Variants in LAMTOR5 observed in about 807,000 individuals in gnomAD.
The protein encoded by LAMTOR5 is late endosomal/lysosomal adaptor, MAPK and MTOR activator 5.
LAMTOR5 carries 8 observed loss-of-function variants against 12.1 expected under a neutral mutation model. That is an observed-to-expected ratio of 0.66 (90% CI 0.39 to 1.19). LAMTOR5 has a LOEUF of 1.19. Among genes scored for constraint, LAMTOR5 ranks in the 50% most tolerant of loss-of-function variants. LAMTOR5 has a pLI of 0.01. For missense variants in LAMTOR5, 110 were observed against 112.8 expected (o/e 0.97, Z 0.11); for synonymous variants, 37 against 41.9 (o/e 0.88, Z 0.45).
At chr1:110,403,195 T>C (rs755317142) in intron 3 of LAMTOR5, among the ~76,000 whole-genome samples, 13 of 151,496 alleles carry the variant, frequency 8.6e-5, no homozygotes, top group Non-Finnish European at 1.9e-4. Context: ...AAGCAATGCA[T>C]GACTGTATGT....
chr1:110,405,829 G>C (rs539508761), intron 2 of LAMTOR5, among the ~76,000 whole-genome samples: 1 of 152,108 alleles, frequency 6.6e-6, no homozygotes, highest in Non-Finnish European at 1.5e-5. Context: ...ACTAACAAAT[G>C]AAAGAGCAAG....
Position 110,401,447 on chromosome 1 carries a change from T to C in LAMTOR5, c.*76A>G. ...AATGAATGGCCTAACTACTGGAACT[T>C]TAGTAGTTCTATAAGGTAATTAACA... On this transcript the variant is annotated 3_prime_UTR_variant, in exon 4 of 4. Coordinates refer to ENST00000602318, the MANE Select transcript of LAMTOR5 (RefSeq NM_001382293.1). 1 of 1,479,528 alleles carries C rather than the reference T, an allele frequency of 6.8e-7. No homozygotes were observed. Among genetic ancestry groups the C allele is most frequent in the Non-Finnish European group, 9.3e-7 (1 of 1,075,628 alleles). The allele number at this position is 1,479,528 out of a possible 1,614,324, so 91.7% of individuals were successfully genotyped here.
intron 2 of LAMTOR5, among the ~76,000 whole-genome samples, chr1:110,405,027 G>A (rs566981069): frequency 5.7e-5 from 8 of 141,532 alleles, no homozygotes; most frequent in Admixed American, 3.0e-4. Flanking sequence ...TAGCCTGGGC[G>A]ACAGAGCAAG....
chr1:110,407,497 T>G (rs867685177), intron 1 of LAMTOR5, 89 bp downstream of exon 1: 1 of 1,492,400 alleles, frequency 6.7e-7, no homozygotes, highest in South Asian at 1.3e-5. Flanking sequence ...CGAGACGCCC[T>G]GGCCGGTACT....
chr1:110,404,804 T>G (rs1237461866), intron 2 of LAMTOR5, among the ~76,000 whole-genome samples: 1 of 152,094 alleles, frequency 6.6e-6, no homozygotes, highest in Non-Finnish European at 1.5e-5. Flanking sequence ...ATCCCGCACT[T>G]TGGGAGGCGG....
At chr1:110,405,278 A>T (rs1440945064) in intron 2 of LAMTOR5, among the ~76,000 whole-genome samples, 1 of 151,204 alleles carries the variant, frequency 6.6e-6, no homozygotes, top group East Asian at 2.0e-4. Flanking sequence ...CTCCTGCCTC[A>T]GCCTCCCGAG....
rs1209567310 is a variant in LAMTOR5, at chr1:110,407,228, G to T, written c.35+358C>A. 11 of 579,140 alleles carry T rather than the reference G, an allele frequency of 1.9e-5. No homozygotes were observed. The East Asian group carries it at 3.1e-4, about 16-fold the overall frequency. 35.9% of individuals were successfully genotyped at this position (579,140 alleles called of 1,614,324 possible). On this transcript the variant is annotated intron_variant, in intron 1 of 3. Transcript: ENST00000602318. Reference sequence around the variant, plus strand: ...GATACGTGTTTGTTTACACTGCAGGGCTCGACACTGCACAACTGGCACAAT... The same window carrying T: ...GATACGTGTTTGTTTACACTGCAGGTCTCGACACTGCACAACTGGCACAAT...
At chr1:110,402,185 A>G (rs1436545052) in intron 3 of LAMTOR5, among the ~76,000 whole-genome samples, 2 of 152,222 alleles carry the variant, frequency 1.3e-5, no homozygotes, top group African/African-American at 4.8e-5. Context: ...TAGCACATAC[A>G]ATTATGTACA....
At chr1:110,404,925 GT>G (rs1663298196) in intron 2 of LAMTOR5, among the ~76,000 whole-genome samples, 1 of 151,554 alleles carries the variant, frequency 6.6e-6, no homozygotes, top group Non-Finnish European at 1.5e-5. Context: ...GCAGGCGCCT[GT>G]AATCCCAGCT....
upstream of LAMTOR5, chr1:110,407,818 T>C: frequency 1.2e-6 from 2 of 1,613,946 alleles, no homozygotes; most frequent in Non-Finnish European, 1.7e-6. Flanking sequence ...TGACGAAGGC[T>C]TGGGCTCCCC....
At chr1:110,401,834 T>G (rs1461160693) in intron 3 of LAMTOR5, among the ~76,000 whole-genome samples, 1 of 152,182 alleles carries the variant, frequency 6.6e-6, no homozygotes, top group Admixed American at 6.5e-5. Flanking sequence ...TTGTTTCGGT[T>G]TTTTAGGCAC....
intron 1 of LAMTOR5, chr1:110,407,342 C>G: frequency 5.0e-6 from 3 of 603,124 alleles, no homozygotes; most frequent in Admixed American, 3.0e-5. Flanking sequence ...GCAGTTTTGG[C>G]CCGTGGCCTG....
intron 2 of LAMTOR5, among the ~76,000 whole-genome samples, chr1:110,405,664 A>G (rs754357805): frequency 7.2e-5 from 11 of 152,096 alleles, no homozygotes; most frequent in Non-Finnish European, 1.2e-4. Flanking sequence ...CTGGGTTGTT[A>G]TGAGGAATAA....
chr1:110,403,868 A>C (rs1340817954), intron 3 of LAMTOR5, 51 bp downstream of exon 3: 1 of 1,603,612 alleles, frequency 6.2e-7, no homozygotes, highest in Non-Finnish European at 8.5e-7. Context: ...CGCCAATTTT[A>C]CCAGGAATTT....
rs1254139734 is a variant in LAMTOR5 at position 110,404,012 on chromosome 1, T to G, written c.122A>C (p.His41Pro). Residue 41 changes from histidine (H) to proline (P), a missense_variant, in exon 3 of 4, where the codon CAT (histidine) becomes CCT (proline). Physicochemically the swap from His to Pro is moderately conservative, Grantham distance 77 (BLOSUM62 -2). Coordinates refer to ENST00000602318, the MANE Select transcript of LAMTOR5 (RefSeq NM_001382293.1). ...LGCRGTLSDE[H>P]AGVISVLAQQ... ...GGCTAGAACAGATATCACTCCAGCA[T>G]GCTCATCTGACAGGGTCCCGCGGCC... 6.2e-7 allele frequency: 1 copy of G among 1,614,216 alleles called. No individual in the cohort carries two copies. The highest frequency in any genetic ancestry group is 1.1e-5 in the South Asian group (1 of 91,084).
intron 1 of LAMTOR5, 168 bp from the exon 2 acceptor site, chr1:110,406,547 G>A (rs1039300708): frequency 1.1e-5 from 5 of 464,576 alleles, no homozygotes; most frequent in African/African-American, 8.2e-5. Context: ...TTCTAGGGCC[G>A]GGCGCGGTTG....
intron 2 of LAMTOR5, among the ~76,000 whole-genome samples, chr1:110,405,496 T>C (rs2101110938): frequency 6.6e-6 from 1 of 152,104 alleles, no homozygotes; most frequent in East Asian, 1.9e-4. Flanking sequence ...CATATATATA[T>C]GTTTATTGTA....
intron 3 of LAMTOR5, 170 bp downstream of exon 3, chr1:110,403,749 G>A (rs2101109259): frequency 3.2e-6 from 3 of 931,184 alleles, no homozygotes; most frequent in Non-Finnish European, 4.5e-6. Context: ...TGGCCTGAGA[G>A]CACATTAGCT....
At chr1:110,407,827 C>T, upstream of LAMTOR5, 3 of 1,613,986 alleles carry the variant, frequency 1.9e-6, no homozygotes, top group South Asian at 1.1e-5. Context: ...CTTGGGCTCC[C>T]CGCGCGGTGA....
Sources: allele counts gnomAD v4.1 joint callset (sites outside exome capture counted in the v4.1 genomes callset), GRCh38; gene constraint gnomAD v4.1.1; transcripts MANE v1.5; gene names NCBI Gene and HGNC (gene_info 2026-07-23, HGNC 2026-07-21).